The following GPC6 variants were observed in gnomAD, a reference collection of about 807,000 sequenced individuals.
GPC6 encodes glypican 6.
Under a neutral mutation model 55.2 loss-of-function variants are expected in GPC6, and 14 were observed. The ratio of observed to expected loss-of-function variants is 0.25; its 90% CI spans 0.17 to 0.40. The LOEUF (loss-of-function observed/expected upper bound fraction) is 0.40, where lower values mean the gene tolerates loss of function less well. GPC6 is among the 10% of genes least tolerant of loss of function. GPC6 has a pLI of 1.00. For synonymous variants in GPC6, 278 were observed against 259.6 expected (o/e 1.07, Z -0.68); for missense variants, 641 against 708.5 (o/e 0.90, Z 1.08).
At chr13:94,383,130 G>A (rs549865899) in intron 7 of GPC6, among the ~76,000 whole-genome samples, 26 of 152,178 alleles carry the variant, frequency 1.7e-4, no homozygotes, top group Non-Finnish European at 1.3e-4. Flanking sequence ...AGTGCTGTGG[G>A]GACTTGATAT....
chr13:94,118,781 G>A (rs931627443), intron 4 of GPC6, among the ~76,000 whole-genome samples: 1 of 152,046 alleles, frequency 6.6e-6, no homozygotes, highest in Admixed American at 6.6e-5. Context: ...CTCTAAGGGA[G>A]TTCAACAGAG....
At chr13:93,922,923 C>G (rs1049678389) in intron 3 of GPC6, among the ~76,000 whole-genome samples, 1 of 152,162 alleles carries the variant, frequency 6.6e-6, no homozygotes, top group African/African-American at 2.4e-5. Flanking sequence ...AATACCACCT[C>G]TTATAATGAA....
At chr13:93,663,876 G>C (rs955859286) in intron 2 of GPC6, among the ~76,000 whole-genome samples, 7 of 152,116 alleles carry the variant, frequency 4.6e-5, no homozygotes, top group Non-Finnish European at 8.8e-5. Context: ...GAACCAGTTA[G>C]GCTATAAGTT....
intron 1 of GPC6, among the ~76,000 whole-genome samples, chr13:93,416,405 C>A (rs749121520): frequency 6.6e-6 from 1 of 151,830 alleles, no homozygotes; most frequent in East Asian, 1.9e-4. Flanking sequence ...TTTTGATTTT[C>A]GATTTTTGTG....
intron 3 of GPC6, among the ~76,000 whole-genome samples, chr13:93,977,012 T>G (rs543267807): frequency 2.0e-4 from 30 of 152,282 alleles, no homozygotes; most frequent in Admixed American, 3.9e-4. Flanking sequence ...TTCTGTTAAA[T>G]TATAATAAGT....
intron 4 of GPC6, among the ~76,000 whole-genome samples, chr13:94,252,665 G>A (rs1470471041): frequency 6.6e-6 from 1 of 152,126 alleles, no homozygotes; most frequent in Non-Finnish European, 1.5e-5. Flanking sequence ...TATTAATCAT[G>A]AGGATAGCTT....
At chr13:94,060,159 C>G (rs555317868) in intron 4 of GPC6, among the ~76,000 whole-genome samples, 14 of 152,180 alleles carry the variant, frequency 9.2e-5, no homozygotes, top group Non-Finnish European at 2.1e-4. Context: ...TTTAACCTAA[C>G]AAATAACACT....
At chr13:94,140,212 T>G (rs1206752265) in intron 4 of GPC6, among the ~76,000 whole-genome samples, 1 of 152,316 alleles carries the variant, frequency 6.6e-6, no homozygotes, top group East Asian at 1.9e-4. Flanking sequence ...CTTTGAATGG[T>G]ATTTACATAA....
At chr13:93,352,289 T>C (rs1034763883) in intron 1 of GPC6, among the ~76,000 whole-genome samples, 8 of 152,206 alleles carry the variant, frequency 5.3e-5, no homozygotes, top group Non-Finnish European at 1.2e-4. Flanking sequence ...AGTATTCCAA[T>C]AAAATTTTAT....
intron 4 of GPC6, among the ~76,000 whole-genome samples, chr13:94,203,939 G>T (rs1456924880): frequency 6.6e-6 from 1 of 152,092 alleles, no homozygotes. Flanking sequence ...TCTGGAACCA[G>T]AGATGGGATG....
At chr13:94,161,466 T>C (rs1169999895) in intron 4 of GPC6, among the ~76,000 whole-genome samples, 1 of 152,224 alleles carries the variant, frequency 6.6e-6, no homozygotes, top group Non-Finnish European at 1.5e-5. Flanking sequence ...GCTGTGGCCA[T>C]TTACATGTCT....
chr13:93,902,898 A>G (rs1470961892), intron 3 of GPC6, among the ~76,000 whole-genome samples: 1 of 152,284 alleles, frequency 6.6e-6, no homozygotes, highest in African/African-American at 2.4e-5. Context: ...GTTTTTTGCT[A>G]TTGAGTTGAT....
intron 1 of GPC6, among the ~76,000 whole-genome samples, chr13:93,330,758 G>T (rs1163434268): frequency 6.6e-6 from 1 of 151,986 alleles, no homozygotes; most frequent in Non-Finnish European, 1.5e-5. Context: ...AAATTCTCTT[G>T]CATCTTTCAT....
At chr13:94,366,329 C>G (rs991616783) in intron 6 of GPC6, among the ~76,000 whole-genome samples, 22 of 152,158 alleles carry the variant, frequency 1.4e-4, no homozygotes, top group Non-Finnish European at 2.6e-4. Context: ...GGGCTAATTT[C>G]CAGGTTAGTC....
chr13:94,262,232 A>G (rs1891675949), intron 4 of GPC6, among the ~76,000 whole-genome samples: 1 of 152,208 alleles, frequency 6.6e-6, no homozygotes, highest in Non-Finnish European at 1.5e-5. Flanking sequence ...GAATGAGCAT[A>G]AGAGGTCCAG....
chr13:94,299,038 C>T (rs1875499920), intron 5 of GPC6, among the ~76,000 whole-genome samples: 1 of 152,130 alleles, frequency 6.6e-6, no homozygotes, highest in Non-Finnish European at 1.5e-5. Context: ...TTTATTTCTT[C>T]ATAATCTTTC....
At chr13:93,777,390 A>G (rs1885504710) in intron 2 of GPC6, among the ~76,000 whole-genome samples, 1 of 152,186 alleles carries the variant, frequency 6.6e-6, no homozygotes, top group South Asian at 2.1e-4. Flanking sequence ...TCCTAAACAG[A>G]GCAAATCACA....
chr13:93,672,205 G>T (rs1172438066), intron 2 of GPC6, among the ~76,000 whole-genome samples: 2 of 148,606 alleles, frequency 1.3e-5, no homozygotes, highest in Non-Finnish European at 3.0e-5. Flanking sequence ...GACTGTGTGT[G>T]TGTGTGTATA....
chr13:94,194,258 A>G (rs1051395086), intron 4 of GPC6, among the ~76,000 whole-genome samples: 6 of 152,344 alleles, frequency 3.9e-5, no homozygotes, highest in East Asian at 3.9e-4. Context: ...CAGATAAACT[A>G]GAAGTTTTTG....
Sources: gnomAD v4.1 joint callset for allele counts (sites outside exome capture counted in the v4.1 genomes callset) on GRCh38, gnomAD v4.1.1 for gene constraint, MANE v1.5 for transcripts, NCBI Gene and HGNC (gene_info 2026-07-23, HGNC 2026-07-21) for gene names.